The following ALK variants were observed in gnomAD, a reference collection of about 807,000 sequenced individuals.
The protein encoded by ALK is ALK tyrosine kinase receptor.
A neutral mutation model predicts 163.1 loss-of-function variants in ALK; 74 were observed. The observed-to-expected ratio is 0.45, with a 90% confidence interval of 0.38 to 0.55. The LOEUF is 0.55. Ranked by LOEUF, ALK falls within the 20% of genes least tolerant of loss-of-function variation. ALK has a pLI of 0.00. For missense variants in ALK, 2,063 were observed against 2,105.3 expected, an observed-to-expected ratio of 0.98 and a Z score of 0.39; for synonymous variants, 960 against 843.2, an observed-to-expected ratio of 1.14 and a Z score of -2.40.
In ALK at chr2:29,442,163, G is replaced by A. The variant is rs142611637; in HGVS notation, c.1155-58304C>T. The stretch of plus-strand genomic sequence containing the variant: ...TCTCTTCCACTCCATTATAATCCTC[G>A]TGATAATGACACTTGACCGGTAAAA... On this transcript the variant is annotated intron_variant, in intron 4 of 28. Coordinates refer to ENST00000389048, the MANE Select transcript of ALK (RefSeq NM_004304.5). Among the ~76,000 whole-genome samples the A allele has an allele frequency of 6.5e-3, 988 of 152,108 alleles. 6 individuals carry two copies. The highest frequency in any genetic ancestry group is 0.022 in the African/African-American group (921 of 41,468).
chr2:29,569,638 G>C (rs777238200), intron 3 of ALK, among the ~76,000 whole-genome samples: 6 of 152,146 alleles, frequency 3.9e-5, no homozygotes, highest in Non-Finnish European at 8.8e-5. Flanking sequence ...AAAACTGATA[G>C]GGTTTCTTGG....
At chr2:29,851,938 C>T (rs1666004785) in intron 1 of ALK, among the ~76,000 whole-genome samples, 1 of 152,180 alleles carries the variant, frequency 6.6e-6, no homozygotes, top group African/African-American at 2.4e-5. Context: ...AAAAGAAGGT[C>T]AGCAGCAGTA....
chr2:29,238,577 G>T (rs1664441266), intron 13 of ALK, among the ~76,000 whole-genome samples: 1 of 152,154 alleles, frequency 6.6e-6, no homozygotes, highest in African/African-American at 2.4e-5. Context: ...AGTGAGAACT[G>T]GAGATGGAGG....
chr2:29,567,465 G>A (rs75840228), intron 3 of ALK, among the ~76,000 whole-genome samples: 27,962 of 152,024 alleles, frequency 0.18, 2,715 homozygotes, highest in South Asian at 0.23. Flanking sequence ...CACTTAGTAC[G>A]TATTCAAGTA....
intron 9 of ALK, among the ~76,000 whole-genome samples, chr2:29,284,096 A>G (rs1450044051): frequency 2.6e-5 from 4 of 152,228 alleles, no homozygotes; most frequent in Non-Finnish European, 5.9e-5. Flanking sequence ...AGAAGTCAAG[A>G]AAGACTTAAA....
intron 1 of ALK, among the ~76,000 whole-genome samples, chr2:29,908,317 A>G (rs1667606271): frequency 6.6e-6 from 1 of 150,790 alleles, no homozygotes; most frequent in Admixed American, 6.6e-5. Context: ...CACATTGTCT[A>G]TCTGCCTTTC....
intron 3 of ALK, among the ~76,000 whole-genome samples, chr2:29,626,296 A>C (rs183735529): frequency 3.3e-4 from 51 of 152,280 alleles, no homozygotes; most frequent in Non-Finnish European, 1.0e-4. Flanking sequence ...GGGTGGGGCC[A>C]GGTGGAGATA....
intron 1 of ALK, among the ~76,000 whole-genome samples, chr2:29,795,027 C>T (rs1254672867): frequency 6.6e-6 from 1 of 152,114 alleles, no homozygotes; most frequent in Non-Finnish European, 1.5e-5. Flanking sequence ...TGTGTTACAA[C>T]TGCATACAAA....
Position 29,903,565 on chromosome 2 carries a change from T to C in ALK, c.667+16428A>G, listed in dbSNP as rs559666380. Among the ~76,000 whole-genome samples the C allele has an allele frequency of 8.5e-5, 13 of 152,186 alleles. No individual in the cohort carries two copies. The South Asian group carries it at 1.7e-3, about 19-fold the overall frequency. ...AGGTAGATATTTATTTATCAGTTGG[T>C]CTATCAATCAATTGATTGATTGCCT... On this transcript the variant is annotated intron_variant, in intron 1 of 28. Coordinates refer to ENST00000389048, the MANE Select transcript of ALK (RefSeq NM_004304.5).
At chr2:29,438,471 G>C (rs764760260) in intron 4 of ALK, among the ~76,000 whole-genome samples, 1 of 152,196 alleles carries the variant, frequency 6.6e-6, no homozygotes, top group Non-Finnish European at 1.5e-5. Flanking sequence ...GAAAAACCTG[G>C]AATATCTTTC....
At chr2:29,587,480 T>C (rs1674921230) in intron 3 of ALK, among the ~76,000 whole-genome samples, 3 of 152,208 alleles carry the variant, frequency 2.0e-5, no homozygotes, top group Admixed American at 2.0e-4. Flanking sequence ...ATTTTTGTTT[T>C]CCCCCCTGAG....
chr2:29,555,958 C>A (rs544281671), intron 3 of ALK, among the ~76,000 whole-genome samples: 41 of 152,332 alleles, frequency 2.7e-4, no homozygotes, highest in Non-Finnish European at 5.7e-4. Flanking sequence ...AAAGTATAAT[C>A]TTGTGTAGAA....
chr2:29,828,138 C>T (rs968504656), intron 1 of ALK, among the ~76,000 whole-genome samples: 2 of 152,198 alleles, frequency 1.3e-5, no homozygotes, highest in Non-Finnish European at 2.9e-5. Flanking sequence ...AACTGGATCC[C>T]TTCCTTACAC....
chr2:29,220,628 G>A, intron 23 of ALK, 78 bp downstream of exon 23: 2 of 1,603,950 alleles, frequency 1.2e-6, no homozygotes, highest in South Asian at 1.1e-5. Flanking sequence ...TTGCTACCCA[G>A]GCTGCCCACT....
At chr2:29,305,196 A>T (rs1346698281) in intron 8 of ALK, among the ~76,000 whole-genome samples, 2 of 152,194 alleles carry the variant, frequency 1.3e-5, no homozygotes, top group East Asian at 3.8e-4. Context: ...CACCATCACC[A>T]AGGTGTAGAG....
intron 9 of ALK, among the ~76,000 whole-genome samples, chr2:29,294,205 C>T (rs539331390): frequency 1.3e-4 from 20 of 152,304 alleles, no homozygotes; most frequent in Non-Finnish European, 2.8e-4. Context: ...CTACCTTCTC[C>T]TTTCTCCCAT....
At chr2:29,424,701 C>A (rs1670094351) in intron 4 of ALK, among the ~76,000 whole-genome samples, 1 of 152,174 alleles carries the variant, frequency 6.6e-6, no homozygotes, top group Non-Finnish European at 1.5e-5. Flanking sequence ...GTCCTAAGCA[C>A]TATGCTAGGT....
chr2:29,798,541 C>A (rs546633268), intron 1 of ALK, among the ~76,000 whole-genome samples: 1 of 152,318 alleles, frequency 6.6e-6, no homozygotes, highest in South Asian at 2.1e-4. Flanking sequence ...CAAAAACCCC[C>A]GCTCCTCGCA....
At chr2:29,680,199 T>C (rs1320798392) in intron 3 of ALK, among the ~76,000 whole-genome samples, 9 of 152,034 alleles carry the variant, frequency 5.9e-5, no homozygotes, top group Admixed American at 3.9e-4. Flanking sequence ...TCTGAGGCAC[T>C]TGGATGTGCA....
Sources: gnomAD v4.1 joint callset for allele counts (sites outside exome capture counted in the v4.1 genomes callset) on GRCh38, gnomAD v4.1.1 for gene constraint, MANE v1.5 for transcripts, NCBI Gene and HGNC (gene_info 2026-07-23, HGNC 2026-07-21) for gene names.